The following EXD1 variants were observed in gnomAD, a reference collection of about 807,000 sequenced individuals.
EXD1 encodes the protein piRNA biogenesis protein EXD1.
Under a neutral mutation model 49.1 loss-of-function variants are expected in EXD1, and 63 were observed. That is an observed-to-expected ratio of 1.28 (90% CI 1.05 to 1.58). The LOEUF (loss-of-function observed/expected upper bound fraction) is 1.58. EXD1 is among the 40% of genes most tolerant of loss of function. The pLI, the probability that EXD1 is intolerant of heterozygous loss-of-function variation, is 0.00. For synonymous variants in EXD1, 234 were observed against 239.2 expected, an observed-to-expected ratio of 0.98 and a Z score of 0.20; for missense variants, 748 against 666.0, an observed-to-expected ratio of 1.12 and a Z score of -1.36.
At position 41,216,530 on chromosome 15, in the gene EXD1, C is replaced by T; in HGVS notation, c.388+138G>A. 6 of 855,430 alleles carry T rather than the reference C, an allele frequency of 7.0e-6. No homozygotes were observed. The Admixed American group carries it at 1.5e-4, about 21-fold the overall frequency. The allele number at this position is 855,430 out of a possible 1,614,324, so 53.0% of individuals were successfully genotyped here. Reference sequence around the variant, plus strand: ...CCTGTAATCACAGCTACTATGGAGGCAGAGGCAGGATAATTGCTTGAATCC... The same window carrying T: ...CCTGTAATCACAGCTACTATGGAGGTAGAGGCAGGATAATTGCTTGAATCC... On this transcript the variant is annotated intron_variant, in intron 5 of 11. Transcript: ENST00000458580.
chr15:41,183,970 C>A lies in EXD1; in HGVS notation c.1680G>T (p.Lys560Asn). The A allele has an allele frequency of 6.2e-7, 1 of 1,607,980 alleles. No homozygotes were observed. Among genetic ancestry groups the A allele is most frequent in the Non-Finnish European group, 8.5e-7 (1 of 1,176,984 alleles). The change falls in exon 12 of 12, where the codon AAG (lysine) becomes AAT (asparagine). Residue 560 changes from lysine to asparagine, a missense_variant. Lys to Asn is a moderately conservative substitution (Grantham distance 94, BLOSUM62 0). Coordinates refer to ENST00000458580, the MANE Select transcript of EXD1 (RefSeq NM_001286441.2). ...STLPPCPALE[K>N]IDSWISPFLN... is the part of the protein sequence containing the mutation. ...GAAAAGGACTTATCCAGGAATCGAT[C>A]TTCTCCAAGGCTGGACAGGGAGGGA...
At chr15:41,226,422 T>C in intron 2 of EXD1, 21 bp downstream of exon 2, 1 of 1,535,016 alleles carries the variant, frequency 6.5e-7, no homozygotes, top group Non-Finnish European at 8.7e-7. Flanking sequence ...AGGCAGAACA[T>C]TATAAGAAAT....
At chr15:41,212,941 T>C (rs1237522874) in intron 6 of EXD1, among the ~76,000 whole-genome samples, 1 of 151,990 alleles carries the variant, frequency 6.6e-6, no homozygotes, top group Non-Finnish European at 1.5e-5. Context: ...CTTGGGAGGC[T>C]AAGGTGGGAG....
At chr15:41,211,215 G>T (rs1208498385) in intron 6 of EXD1, among the ~76,000 whole-genome samples, 1 of 151,934 alleles carries the variant, frequency 6.6e-6, no homozygotes, top group Non-Finnish European at 1.5e-5. Flanking sequence ...GGGCTTAGCT[G>T]ATCCTCTCAT....
At chr15:41,209,374 C>T in intron 7 of EXD1, 127 bp downstream of exon 7, 2 of 765,398 alleles carry the variant, frequency 2.6e-6, no homozygotes, top group Non-Finnish European at 4.3e-6. Flanking sequence ...CTATGATCTG[C>T]ACTGTGGCCT....
chr15:41,218,769 C>A (rs940033529), intron 3 of EXD1, among the ~76,000 whole-genome samples: 1 of 152,162 alleles, frequency 6.6e-6, no homozygotes, highest in Non-Finnish European at 1.5e-5. Context: ...ATTCAAGGGA[C>A]AGAGTGTTCA....
chr15:41,192,421 C>A (rs1255483053), intron 9 of EXD1, among the ~76,000 whole-genome samples: 1 of 152,010 alleles, frequency 6.6e-6, no homozygotes, highest in South Asian at 2.1e-4. Context: ...CTCAGCCTCC[C>A]GAGTAGCTGT....
chr15:41,184,393 C>G lies in EXD1; in HGVS notation c.1257G>C (p.Arg419Ser), dbSNP rs1206907439. 1 of 1,613,970 alleles carries G rather than the reference C, an allele frequency of 6.2e-7. No homozygotes were observed. The highest frequency in any genetic ancestry group is 8.5e-7 in the Non-Finnish European group (1 of 1,179,996). Residue 419 changes from arginine to serine, a missense_variant, in exon 12 of 12, where the codon AGG (arginine) becomes AGC (serine). Coordinates refer to ENST00000458580, the MANE Select transcript of EXD1 (RefSeq NM_001286441.2). ...ATGTAAAACTTGGAGCTTTATCTAT[C>G]CTAAAATTTTTACCAAATAAGAAGC... is the stretch of plus-strand genomic sequence containing the variant. ...VKGFLFGKNF[R>S]IDKAPSFTSQ...
At chr15:41,210,417 C>G (rs12148833) in intron 6 of EXD1, among the ~76,000 whole-genome samples, 1 of 152,076 alleles carries the variant, frequency 6.6e-6, no homozygotes. Flanking sequence ...AGTGGCTGGG[C>G]GCAGTGGCTC....
rs536813109 is a variant in EXD1 at position 41,188,681 on chromosome 15, C to T, written c.1056+1256G>A. Among the ~76,000 whole-genome samples, 5 of 151,958 alleles carry T rather than the reference C, an allele frequency of 3.3e-5. No homozygotes were observed. The East Asian group carries it at 9.7e-4, about 30-fold the overall frequency. On this transcript the variant is annotated intron_variant, in intron 11 of 11. Transcript: ENST00000458580. The stretch of plus-strand genomic sequence containing the variant: ...TACTGGGATTACAGGTATGAGCCAC[C>T]GTACCTGGCCCTGGCCCTTTTTTTT...
rs140442710 is a variant in EXD1, at chr15:41,213,884, G to C, written c.447+1891C>G. Among the ~76,000 whole-genome samples the C allele has an allele frequency of 1.5e-3, 230 of 152,164 alleles. 1 individual carries two copies. Among genetic ancestry groups the C allele is most frequent in the African/African-American group, 5.4e-3 (223 of 41,516 alleles). ...TACATTTTAACTAAATAAATTGTAT[G>C]GCATGTGGATTATATCTCAATAATG... On this transcript the variant is annotated intron_variant, in intron 6 of 11. Coordinates refer to ENST00000458580, the MANE Select transcript of EXD1 (RefSeq NM_001286441.2).
chr15:41,220,101 A>C (rs190471976), intron 2 of EXD1, among the ~76,000 whole-genome samples: 323 of 152,216 alleles, frequency 2.1e-3, no homozygotes, highest in Middle Eastern at 0.017. Flanking sequence ...GTATAAAAAA[A>C]CAAGGGAAAC....
intron 5 of EXD1, 136 bp downstream of exon 5, chr15:41,216,532 G>A: frequency 1.1e-6 from 1 of 874,564 alleles, no homozygotes; most frequent in Middle Eastern, 3.6e-4. Flanking sequence ...TATGGAGGCA[G>A]AGGCAGGATA....
At chr15:41,219,187 A>G (rs75925695) in intron 3 of EXD1, among the ~76,000 whole-genome samples, 4,999 of 152,222 alleles carry the variant, frequency 0.033, 307 homozygotes, top group African/African-American at 0.11. Flanking sequence ...CAGGCAAACA[A>G]TTGTACTTAC....
At chr15:41,225,846 C>T (rs923661051) in intron 2 of EXD1, among the ~76,000 whole-genome samples, 4 of 151,774 alleles carry the variant, frequency 2.6e-5, no homozygotes, top group Non-Finnish European at 5.9e-5. Flanking sequence ...TATCACGCCA[C>T]TGCACTCCAG....
chr15:41,198,301 A>C (rs2046647862), intron 7 of EXD1, among the ~76,000 whole-genome samples: 1 of 152,144 alleles, frequency 6.6e-6, no homozygotes. Flanking sequence ...CCCACTATCC[A>C]ACCTCCAGGG....
At chr15:41,225,588 A>G (rs1157914319) in intron 2 of EXD1, among the ~76,000 whole-genome samples, 2 of 39,392 alleles carry the variant, frequency 5.1e-5, no homozygotes, top group South Asian at 1.7e-3. Flanking sequence ...TCATTCTCAG[A>G]AAAAAAAAAA....
At chr15:41,206,574 A>T (rs1451848519) in intron 7 of EXD1, among the ~76,000 whole-genome samples, 1 of 151,414 alleles carries the variant, frequency 6.6e-6, no homozygotes, top group Non-Finnish European at 1.5e-5. Flanking sequence ...GTATTTTGTA[A>T]ACTGTAAAGT....
rs1352031803 is a variant in EXD1, at chr15:41,182,874, T to C, written c.*1057A>G. 6.6e-6 allele frequency: 1 copy of C among 151,958 alleles called. No homozygotes were observed. The highest frequency in any genetic ancestry group is 1.9e-4 in the East Asian group (1 of 5,194). The allele number at this position is 151,958 out of a possible 1,614,324, so 9.4% of individuals were successfully genotyped here. A position where few individuals can be genotyped will look rare whatever the true frequency, so the allele number is the denominator to read the frequency against. The stretch of plus-strand genomic sequence containing the variant: ...AGAAAGTATACTAACTCCAGGCAAA[T>C]AGAATGGAGTCAGGCTTCAAGTTTA... On this transcript the variant is annotated 3_prime_UTR_variant, in exon 12 of 12. Transcript: ENST00000458580.
Sources: gnomAD v4.1 joint callset for allele counts (sites outside exome capture counted in the v4.1 genomes callset) on GRCh38, gnomAD v4.1.1 for gene constraint, MANE v1.5 for transcripts, NCBI Gene and HGNC (gene_info 2026-07-23, HGNC 2026-07-21) for gene names.